The following ZNF385B variants were observed in gnomAD, a reference collection of about 807,000 sequenced individuals.
ZNF385B encodes zinc finger protein 385B.
ZNF385B carries 23 observed loss-of-function variants against 39.2 expected under a neutral mutation model. The observed-to-expected ratio is 0.59, with a 90% confidence interval of 0.42 to 0.83. ZNF385B has a LOEUF of 0.83. Among genes scored for constraint, ZNF385B ranks in the 40% least tolerant of loss-of-function variants. The pLI is 0.00. For missense variants in ZNF385B, 552 were observed against 598.9 expected, an observed-to-expected ratio of 0.92 and a Z score of 0.82; for synonymous variants, 205 against 222.6, an observed-to-expected ratio of 0.92 and a Z score of 0.70.
intron 3 of ZNF385B, among the ~76,000 whole-genome samples, chr2:179,616,611 G>A (rs1369000899): frequency 2.0e-5 from 3 of 152,122 alleles, no homozygotes; most frequent in Non-Finnish European, 1.5e-5. Context: ...CCAGGCTGGA[G>A]TGCAGTGGTG....
At chr2:179,477,170 T>C (rs2053522652) in intron 6 of ZNF385B, among the ~76,000 whole-genome samples, 1 of 151,976 alleles carries the variant, frequency 6.6e-6, no homozygotes, top group African/African-American at 2.4e-5. Context: ...TAACAACACA[T>C]AAAAACTATG....
intron 3 of ZNF385B, among the ~76,000 whole-genome samples, chr2:179,767,969 A>G (rs1703802398): frequency 6.7e-6 from 1 of 149,426 alleles, no homozygotes; most frequent in South Asian, 2.1e-4. Context: ...TTGCTTTTTG[A>G]GATGGAGTCT....
chr2:179,543,748 G>A (rs892972386), intron 4 of ZNF385B, among the ~76,000 whole-genome samples: 3 of 151,924 alleles, frequency 2.0e-5, no homozygotes, highest in Non-Finnish European at 4.4e-5. Flanking sequence ...CTACATCAAG[G>A]CCAGTGCTCT....
At chr2:179,766,065 C>CACACACAG (rs1390356107) in intron 3 of ZNF385B, among the ~76,000 whole-genome samples, 66 of 150,940 alleles carry the variant, frequency 4.4e-4, no homozygotes, top group African/African-American at 1.5e-3. Flanking sequence ...CACACACACA[C>CACACACAG]AGCAGACTGG....
At chr2:179,542,949 T>C (rs1287750027) in intron 4 of ZNF385B, among the ~76,000 whole-genome samples, 2 of 152,146 alleles carry the variant, frequency 1.3e-5, no homozygotes, top group Admixed American at 1.3e-4. Context: ...TTGGAGTAAG[T>C]ATTCATGTAT....
intron 3 of ZNF385B, among the ~76,000 whole-genome samples, chr2:179,553,649 G>T (rs1487780848): frequency 6.7e-6 from 1 of 148,978 alleles, no homozygotes; most frequent in Non-Finnish European, 1.5e-5. Flanking sequence ...TGACTTTAAA[G>T]CCCATGTCAT....
chr2:179,554,122 G>C (rs1421203211), intron 3 of ZNF385B, among the ~76,000 whole-genome samples: 1 of 149,140 alleles, frequency 6.7e-6, no homozygotes, highest in Non-Finnish European at 1.5e-5. Flanking sequence ...ACCTGTGCCT[G>C]ATACATAGCC....
At chr2:179,650,538 A>G (rs1474297439) in intron 3 of ZNF385B, among the ~76,000 whole-genome samples, 2 of 152,194 alleles carry the variant, frequency 1.3e-5, no homozygotes, top group Non-Finnish European at 2.9e-5. Context: ...GGATAACATG[A>G]TATCCTTCAT....
At chr2:179,541,661 T>A (rs1439121959) in intron 4 of ZNF385B, among the ~76,000 whole-genome samples, 2 of 152,214 alleles carry the variant, frequency 1.3e-5, no homozygotes, top group East Asian at 1.9e-4. Flanking sequence ...CAATATACTT[T>A]AAAAATTTGC....
intron 3 of ZNF385B, among the ~76,000 whole-genome samples, chr2:179,546,530 C>T (rs896530539): frequency 6.6e-6 from 1 of 152,186 alleles, no homozygotes; most frequent in Non-Finnish European, 1.5e-5. Flanking sequence ...CTAGTTTCAT[C>T]CATGTTGTTA....
intron 1 of ZNF385B, among the ~76,000 whole-genome samples, chr2:179,772,646 T>C (rs1241387239): frequency 6.6e-6 from 1 of 152,258 alleles, no homozygotes; most frequent in Non-Finnish European, 1.5e-5. Context: ...GTGAATGTGA[T>C]AACATTTATA....
At chr2:179,676,378 A>G (rs1038579704) in intron 3 of ZNF385B, among the ~76,000 whole-genome samples, 13 of 148,218 alleles carry the variant, frequency 8.8e-5, no homozygotes, top group South Asian at 4.3e-4. Context: ...GTGAGCCACC[A>G]CGCCCAGCCT....
At chr2:179,634,379 A>G (rs1452827545) in intron 3 of ZNF385B, among the ~76,000 whole-genome samples, 1 of 152,230 alleles carries the variant, frequency 6.6e-6, no homozygotes, top group Non-Finnish European at 1.5e-5. Flanking sequence ...AACCCCATCA[A>G]CAAGTGGGCA....
intron 5 of ZNF385B, among the ~76,000 whole-genome samples, chr2:179,503,789 C>T (rs1006583445): frequency 1.3e-5 from 2 of 150,766 alleles, no homozygotes; most frequent in African/African-American, 2.4e-5. Context: ...CATCCATGTC[C>T]CTACAAAGGA....
At chr2:179,726,549 C>T (rs942773387) in intron 3 of ZNF385B, among the ~76,000 whole-genome samples, 1 of 151,970 alleles carries the variant, frequency 6.6e-6, no homozygotes, top group African/African-American at 2.4e-5. Context: ...AAGCACTTAA[C>T]ATAGTAGTTG....
intron 3 of ZNF385B, among the ~76,000 whole-genome samples, chr2:179,646,384 C>T (rs552944917): frequency 3.9e-4 from 59 of 152,318 alleles, no homozygotes; most frequent in African/African-American, 1.4e-3. Flanking sequence ...TGCAATCCAG[C>T]GTGGATGACA....
intron 3 of ZNF385B, among the ~76,000 whole-genome samples, chr2:179,568,880 CTATT>C (rs888580407): frequency 1.3e-5 from 2 of 152,170 alleles, no homozygotes. Flanking sequence ...AGAATAAACT[CTATT>C]TAAACACTTA....
intron 5 of ZNF385B, among the ~76,000 whole-genome samples, chr2:179,493,212 T>C (rs1283216675): frequency 6.6e-6 from 1 of 152,116 alleles, no homozygotes. Context: ...TGTTTTATTA[T>C]GTATCATGTA....
intron 3 of ZNF385B, among the ~76,000 whole-genome samples, chr2:179,610,164 A>G (rs568508472): frequency 6.6e-6 from 1 of 151,914 alleles, no homozygotes; most frequent in African/African-American, 2.4e-5. Context: ...AGTTTCCCCT[A>G]TGTTTTATTT....
Sources: gnomAD v4.1 joint callset for allele counts (sites outside exome capture counted in the v4.1 genomes callset) on GRCh38, gnomAD v4.1.1 for gene constraint, MANE v1.5 for transcripts, NCBI Gene and HGNC (gene_info 2026-07-23, HGNC 2026-07-21) for gene names.